The following C12orf43 variants were observed in gnomAD, a reference collection of about 807,000 sequenced individuals.
C12orf43 encodes the protein protein CUSTOS.
A neutral mutation model predicts 20.6 loss-of-function variants in C12orf43; 15 were observed. The ratio of observed to expected loss-of-function variants is 0.73; its 90% CI spans 0.49 to 1.12. The LOEUF is 1.12. Ranked by LOEUF, C12orf43 falls within the 50% of genes most tolerant of loss-of-function variation. C12orf43 has a pLI of 0.00. For missense variants in C12orf43, 334 were observed against 344.4 expected, an observed-to-expected ratio of 0.97 and a Z score of 0.24; for synonymous variants, 144 against 130.8, an observed-to-expected ratio of 1.10 and a Z score of -0.69.
Position 121,001,969 on chromosome 12 carries a change from C to T in C12orf43, c.*2184G>A, listed in dbSNP as rs1877519475. 1.9e-6 allele frequency: 1 copy of T among 533,794 alleles called. No homozygotes were observed. Among genetic ancestry groups the T allele is most frequent in the Non-Finnish European group, 3.6e-6 (1 of 275,258 alleles). 33.1% of individuals were successfully genotyped at this position (533,794 alleles called of 1,614,324 possible). ...CCTCCTGCCTCTACTGGGAAGGCTACTTCGGGGCTGGGAAGTCGTCCTTAC... is the reference window on the plus strand; with the variant it reads ...CCTCCTGCCTCTACTGGGAAGGCTATTTCGGGGCTGGGAAGTCGTCCTTAC... On this transcript the variant is annotated 3_prime_UTR_variant, in exon 6 of 6. Transcript: ENST00000288757.
Position 121,004,305 on chromosome 12 carries a change from T to A in C12orf43, c.637A>T (p.Thr213Ser). ...VDSAVAATTP[T>S]SMATVQKQKS... is the part of the protein sequence containing the mutation. ...TGCTTCTGGACTGTGGCCATGCTGG[T>A]GGGGGTGGTGGCAGCGACAGCCGAG... The change falls in exon 6 of 6, where the codon ACC (threonine) becomes TCC (serine). Residue 213 changes from threonine (T) to serine (S), a missense_variant. Coordinates refer to ENST00000288757, the MANE Select transcript of C12orf43 (RefSeq NM_022895.3). This position sits in a 1 kb window ranked among gnomAD's most constrained non-coding sequence, Gnocchi z 5.6. The A allele has an allele frequency of 1.2e-6, 2 of 1,614,128 alleles. No homozygotes were observed. The highest frequency in any genetic ancestry group is 1.7e-6 in the Non-Finnish European group (2 of 1,180,022).
chr12:121,010,722 G>A, intron 3 of C12orf43, 106 bp downstream of exon 3: 1 of 722,526 alleles, frequency 1.4e-6, no homozygotes, highest in Non-Finnish European at 2.1e-6. Flanking sequence ...CATATGCCAG[G>A]TGCCTGCCAC....
intron 1 of C12orf43, among the ~76,000 whole-genome samples, chr12:121,015,670 T>C (rs1204997515): frequency 1.3e-5 from 2 of 152,224 alleles, no homozygotes; most frequent in Non-Finnish European, 2.9e-5. Flanking sequence ...AATAAAATGA[T>C]ATATTGATAT....
At chr12:121,006,539 T>C (rs1056657527) in intron 3 of C12orf43, 145 bp from the exon 4 acceptor site, 4 of 717,882 alleles carry the variant, frequency 5.6e-6, no homozygotes, top group Non-Finnish European at 9.7e-6. Context: ...GCTGATGGTC[T>C]GGTTATAACA....
At chr12:121,011,049 G>A (rs773427526) in intron 2 of C12orf43, 55 bp downstream of exon 2, 23 of 1,595,470 alleles carry the variant, frequency 1.4e-5, no homozygotes, top group South Asian at 8.8e-5. Context: ...TCTGGCACAC[G>A]CAGGGGATCA....
At chr12:121,016,221 C>G (rs757927818) in intron 1 of C12orf43, 109 bp downstream of exon 1, 1 of 1,544,122 alleles carries the variant, frequency 6.5e-7, no homozygotes. Context: ...GGAGGTCTCT[C>G]GGGGAAGGAA....
chr12:121,012,272 G>A (rs911146259), intron 1 of C12orf43, among the ~76,000 whole-genome samples: 5 of 152,216 alleles, frequency 3.3e-5, no homozygotes, highest in African/African-American at 1.2e-4. Context: ...CAGCAAGGAG[G>A]TCAGTGTGAC....
chr12:121,010,061 G>A (rs1878327516), intron 3 of C12orf43, among the ~76,000 whole-genome samples: 1 of 152,210 alleles, frequency 6.6e-6, no homozygotes, highest in South Asian at 2.1e-4. Flanking sequence ...CAGCACTTTG[G>A]GAGGCCAAGG....
Position 121,004,819 on chromosome 12 carries a change from A to G in C12orf43, c.452+184T>C, listed in dbSNP as rs1877851755. Among the ~76,000 whole-genome samples, 1 of 152,230 alleles carries G rather than the reference A, an allele frequency of 6.6e-6. No individual in the cohort carries two copies. The highest frequency in any genetic ancestry group is 6.5e-5 in the Admixed American group (1 of 15,288). The stretch of plus-strand genomic sequence containing the variant: ...CCCAAGACAGGTGCTCAAAAGCAGT[A>G]AACATCCAAAGCTGCCGCCAAGAGG... On this transcript the variant is annotated intron_variant, in intron 5 of 5. Coordinates refer to ENST00000288757, the MANE Select transcript of C12orf43 (RefSeq NM_022895.3). The surrounding 1 kb of genome is among the most constrained non-coding windows in gnomAD (Gnocchi z 5.6).
Position 121,005,105 on chromosome 12 carries a change from T to C in C12orf43, c.362-12A>G, listed in dbSNP as rs2135865650. On this transcript the variant is annotated splice_polypyrimidine_tract_variant and intron_variant, in intron 4 of 5. Transcript: ENST00000288757. The surrounding 1 kb of genome is among the most constrained non-coding windows in gnomAD (Gnocchi z 5.6). ...GAAAAGGCGGAAACCTAAGATTCAA[T>C]GGGGCAGAGTCAAACAAAAACAAAA... 1.6e-6 allele frequency: 2 copies of C among 1,245,992 alleles called. No homozygotes were observed. Among genetic ancestry groups the C allele is most frequent in the Non-Finnish European group, 2.1e-6 (2 of 960,114 alleles). 77.2% of individuals were successfully genotyped at this position (1,245,992 alleles called of 1,614,324 possible).
At position 121,004,138 on chromosome 12, in the gene C12orf43, T is replaced by C; in HGVS notation, c.*15A>G. 1 of 1,613,444 alleles carries C rather than the reference T, an allele frequency of 6.2e-7. No individual in the cohort carries two copies. The highest frequency in any genetic ancestry group is 8.5e-7 in the Non-Finnish European group (1 of 1,179,342). ...TGTCCTTGGAGCTGGCTGAGCCCTG[T>C]GCCCATGGCTGGGTTCAGTTTGCAG... On this transcript the variant is annotated 3_prime_UTR_variant, in exon 6 of 6. Coordinates refer to ENST00000288757, the MANE Select transcript of C12orf43 (RefSeq NM_022895.3). The surrounding 1 kb of genome is among the most constrained non-coding windows in gnomAD (Gnocchi z 5.6).
At chr12:121,011,433 TAA>T (rs1471570504) in intron 1 of C12orf43, among the ~76,000 whole-genome samples, 2 of 148,138 alleles carry the variant, frequency 1.4e-5, no homozygotes. Flanking sequence ...AATATATATA[TAA>T]CTTAGTTATA....
Position 121,005,762 on chromosome 12 carries a change from A to G in C12orf43, c.361+559T>C, listed in dbSNP as rs1170549666. Among the ~76,000 whole-genome samples the G allele has an allele frequency of 2.6e-5, 4 of 152,188 alleles. No homozygotes were observed. The highest frequency in any genetic ancestry group is 1.3e-4 in the Admixed American group (2 of 15,272). ...CCTTGTCTGTACATGGGGTTCAATC[A>G]TAATACCTGCCTCACCACAGGGGCT... On this transcript the variant is annotated intron_variant, in intron 4 of 5. Transcript: ENST00000288757. This position sits in a 1 kb window ranked among gnomAD's most constrained non-coding sequence, Gnocchi z 5.6.
intron 3 of C12orf43, 95 bp from the exon 4 acceptor site, chr12:121,006,489 T>G: frequency 4.0e-6 from 5 of 1,236,330 alleles, no homozygotes; most frequent in African/African-American, 1.5e-5. Context: ...GGTATGTGAT[T>G]GTAAATGCAA....
chr12:121,000,734 A>G lies in C12orf43; in HGVS notation c.*3419T>C. 1 of 396,738 alleles carries G rather than the reference A, an allele frequency of 2.5e-6. No homozygotes were observed. The highest frequency in any genetic ancestry group is 4.8e-6 in the Non-Finnish European group (1 of 207,216). The allele number at this position is 396,738 out of a possible 1,614,324, so 24.6% of individuals were successfully genotyped here. On this transcript the variant is annotated 3_prime_UTR_variant, in exon 6 of 6. Coordinates refer to ENST00000288757, the MANE Select transcript of C12orf43 (RefSeq NM_022895.3). ...TGATTGTGGCATTAACCACATCTAC[A>G]AAGCACCTGCATTCACAGCAGCGCC...
Position 121,016,422 on chromosome 12 carries a change from C to G in C12orf43, c.53G>C (p.Ser18Thr). The change falls in exon 1 of 6, where the codon AGC becomes ACC. Residue 18 changes from serine (S) to threonine (T), a missense_variant. Ser to Thr is a moderately conservative substitution (Grantham distance 58, BLOSUM62 1). Coordinates refer to ENST00000288757, the MANE Select transcript of C12orf43 (RefSeq NM_022895.3). ...GCACCGCTCCAGCTCCTCCGCATCG[C>G]TACTGCTGTTACTACTTTCCGAATC... The part of the protein sequence containing the change: ...VSDSESSNSS[S>T]DAEELERCRE... The G allele has an allele frequency of 6.2e-7, 1 of 1,614,060 alleles. No homozygotes were observed. The highest frequency in any genetic ancestry group is 8.5e-7 in the Non-Finnish European group (1 of 1,180,032).
chr12:121,016,149 T>A lies in C12orf43; in HGVS notation c.145+181A>T, dbSNP rs527410901. 1.3e-5 allele frequency: 12 copies of A among 943,834 alleles called. No homozygotes were observed. The South Asian group carries it at 1.5e-4, about 12-fold the overall frequency. The allele number at this position is 943,834 out of a possible 1,614,324, so 58.5% of individuals were successfully genotyped here. ...GGTACCTCAGCTTCCCCGACTGGAATAATGAAATACCCTCCCTACTGCACC... is the reference window on the plus strand; with the variant it reads ...GGTACCTCAGCTTCCCCGACTGGAAAAATGAAATACCCTCCCTACTGCACC... On this transcript the variant is annotated intron_variant, in intron 1 of 5. Coordinates refer to ENST00000288757, the MANE Select transcript of C12orf43 (RefSeq NM_022895.3).
chr12:121,013,101 T>C (rs1868548152), intron 1 of C12orf43, among the ~76,000 whole-genome samples: 2 of 152,150 alleles, frequency 1.3e-5, no homozygotes, highest in African/African-American at 2.4e-5. Flanking sequence ...CCCATACACA[T>C]TGCATCTGTG....
chr12:121,006,209 C>G lies in C12orf43; in HGVS notation c.361+112G>C, dbSNP rs1205794120. On this transcript the variant is annotated intron_variant, in intron 4 of 5. Transcript: ENST00000288757. ...CCAGCCTAGGTGGCAGAGAGAGTTC[C>G]TATCTCAAAAAAAGAAAAAAAAAAA... is the stretch of plus-strand genomic sequence containing the variant. 8.5e-6 allele frequency: 8 copies of G among 940,602 alleles called. No homozygotes were observed. The African/African-American group carries it at 1.2e-4, about 14-fold the overall frequency. The allele number at this position is 940,602 out of a possible 1,614,324, so 58.3% of individuals were successfully genotyped here. A position where few individuals can be genotyped will look rare whatever the true frequency, so the allele number is the denominator to read the frequency against.
Sources: allele counts gnomAD v4.1 joint callset (sites outside exome capture counted in the v4.1 genomes callset), GRCh38; gene constraint gnomAD v4.1.1; non-coding constraint Gnocchi (gnomAD v3.1); transcripts MANE v1.5; gene names NCBI Gene and HGNC (gene_info 2026-07-23, HGNC 2026-07-21).